Variants in SLC25A53 observed in about 807,000 individuals in gnomAD.
The protein encoded by SLC25A53 is mitochondrial carrier triple repeat protein 6.
A neutral mutation model predicts 15.0 loss-of-function variants in SLC25A53; 5 were observed. That is an observed-to-expected ratio of 0.33 (90% CI 0.17 to 0.70). The LOEUF is 0.70. Ranked by LOEUF, SLC25A53 falls within the 30% of genes least tolerant of loss-of-function variation. The pLI is 0.67. For missense variants in SLC25A53, 216 were observed against 241.6 expected, an observed-to-expected ratio of 0.89 and a Z score of 0.70; for synonymous variants, 95 against 100.0, an observed-to-expected ratio of 0.95 and a Z score of 0.30.
intron 1 of SLC25A53, among the ~76,000 whole-genome samples, chrX:104,139,143 T>G (rs1483829409): frequency 1.8e-5 from 2 of 112,789 alleles, no homozygotes; most frequent in Non-Finnish European, 3.8e-5. Context: ...GTACTTCCCT[T>G]TCCCCTTCCC....
At chrX:104,130,197 A>G (rs1252284047) in intron 1 of SLC25A53, among the ~76,000 whole-genome samples, 4 of 111,058 alleles carry the variant, frequency 3.6e-5, no homozygotes, top group Non-Finnish European at 7.5e-5. Flanking sequence ...ACTCCCTGCT[A>G]TAACAGGGAC....
intron 1 of SLC25A53, among the ~76,000 whole-genome samples, chrX:104,134,353 C>T (rs151333496): frequency 0.015 from 1,667 of 111,271 alleles, 19 homozygotes; most frequent in African/African-American, 0.051. Context: ...AAGTGTCACA[C>T]GGTGGAGACG....
At chrX:104,144,963 A>G (rs1434498395) in intron 1 of SLC25A53, among the ~76,000 whole-genome samples, 3 of 112,103 alleles carry the variant, frequency 2.7e-5, no homozygotes, top group Admixed American at 1.9e-4. Context: ...AAGCAGGGCT[A>G]ACAGACATCT....
chrX:104,128,676 A>T (rs2075417574), intron 1 of SLC25A53, among the ~76,000 whole-genome samples: 1 of 111,418 alleles, frequency 9.0e-6, no homozygotes, highest in Non-Finnish European at 1.9e-5. Flanking sequence ...TGTTAGAGAG[A>T]CATAATGAAA....
chrX:104,145,623 G>C, intron 1 of SLC25A53, among the ~76,000 whole-genome samples: 1 of 111,139 alleles, frequency 9.0e-6, no homozygotes, highest in Non-Finnish European at 1.9e-5. Flanking sequence ...ATGATAAAGG[G>C]GATATCACCA....
intron 1 of SLC25A53, among the ~76,000 whole-genome samples, chrX:104,153,450 G>T (rs2147882774): frequency 9.0e-6 from 1 of 111,587 alleles, no homozygotes; most frequent in East Asian, 2.8e-4. Flanking sequence ...ACTATGCAGT[G>T]AATAACTGTA....
At position 104,155,471 on chromosome X, in the gene SLC25A53, A is replaced by C. The variant is rs186798385; in HGVS notation, c.-32+1407T>G. On this transcript the variant is annotated intron_variant, in intron 1 of 1. Transcript: ENST00000594199. ...TTAAGAAACGCTCCATCTGATTCTG[A>C]TTCACAGGAAAGTTTGAGAGCCACT... Among the ~76,000 whole-genome samples the C allele has an allele frequency of 1.3e-4, 14 of 111,459 alleles. No individual in the cohort carries two copies. In the East Asian group the frequency reaches 3.9e-3, roughly 31 times the overall value.
chrX:104,119,952 C>T (rs141146214), intron 1 of SLC25A53, among the ~76,000 whole-genome samples: 1,259 of 111,580 alleles, frequency 0.011, 21 homozygotes, highest in African/African-American at 0.038. Context: ...GTTTCTGGAG[C>T]TTTATGTAAA....
At chrX:104,111,026 TC>T (rs782610098) in intron 1 of SLC25A53, among the ~76,000 whole-genome samples, 2 of 112,607 alleles carry the variant, frequency 1.8e-5, no homozygotes, top group South Asian at 7.2e-4. Context: ...AGGAAGGACC[TC>T]GGGTAGGAAC....
chrX:104,121,871 T>A (rs1263373382), intron 1 of SLC25A53, among the ~76,000 whole-genome samples: 2 of 44,318 alleles, frequency 4.5e-5, no homozygotes, highest in Non-Finnish European at 7.7e-5. Flanking sequence ...CATCAAATGG[T>A]ATGATATATA....
At chrX:104,121,002 G>A (rs1556362619) in intron 1 of SLC25A53, among the ~76,000 whole-genome samples, 3 of 112,195 alleles carry the variant, frequency 2.7e-5, no homozygotes, top group Non-Finnish European at 5.6e-5. Context: ...AGGCATTCCT[G>A]AAATAAACAA....
At position 104,100,229 on chromosome X, in the gene SLC25A53, CTTT is replaced by C. The variant is rs2075274649; in HGVS notation, c.*4102_*4104del. On this transcript the variant is annotated 3_prime_UTR_variant, in exon 2 of 2. Transcript: ENST00000594199. Reference sequence around the variant, plus strand: ...TAAAACGTTATTATTTCAACTTGAGCTTTATAAAAGCTGATGTAGTTTATATTT... The same window carrying C: ...TAAAACGTTATTATTTCAACTTGAGCATAAAAGCTGATGTAGTTTATATTT... The C allele has an allele frequency of 9.0e-6, 1 of 111,476 alleles. No individual in the cohort carries two copies. Among genetic ancestry groups the C allele is most frequent in the Non-Finnish European group, 1.9e-5 (1 of 53,022 alleles). 9.2% of individuals were successfully genotyped at this position (111,476 alleles called of 1,213,427 possible).
chrX:104,104,911 T>A lies in SLC25A53; in HGVS notation c.347A>T (p.His116Leu). The change falls in exon 2 of 2, where the codon CAC becomes CTC. Residue 116 changes from histidine (H) to leucine (L), a missense_variant. His to Leu is a moderately conservative substitution (Grantham distance 99). Transcript: ENST00000594199. ...LSPVGPHTLG[H>L]RWAAGLMSGV... Reference sequence around the variant, plus strand: ...AGACATGAGCCCGGCAGCCCAGCGGTGTCCCAGGGTGTGTGGCCCAACAGG... The same window carrying A: ...AGACATGAGCCCGGCAGCCCAGCGGAGTCCCAGGGTGTGTGGCCCAACAGG... 8.3e-7 allele frequency: 1 copy of A among 1,211,462 alleles called. No homozygotes were observed. The highest frequency in any genetic ancestry group is 1.1e-6 in the Non-Finnish European group (1 of 895,488).
chrX:104,135,411 C>T (rs2075434331), intron 1 of SLC25A53, among the ~76,000 whole-genome samples: 1 of 110,670 alleles, frequency 9.0e-6, no homozygotes, highest in African/African-American at 3.3e-5. Flanking sequence ...AAACCGAACT[C>T]GTGTTTCCCA....
At chrX:104,138,642 G>A (rs1387971181) in intron 1 of SLC25A53, among the ~76,000 whole-genome samples, 1 of 112,516 alleles carries the variant, frequency 8.9e-6, no homozygotes, top group Non-Finnish European at 1.9e-5. Flanking sequence ...TGTACTGGAG[G>A]AATCAGATCA....
chrX:104,131,228 G>C (rs2075424935), intron 1 of SLC25A53: 1 of 111,984 alleles, frequency 8.9e-6, no homozygotes, highest in Non-Finnish European at 1.9e-5. Flanking sequence ...TGGTTCCTGA[G>C]GGATCCAAAA....
At position 104,114,105 on chromosome X, in the gene SLC25A53, G is replaced by C. The variant is rs781982162; in HGVS notation, c.-31-8817C>G. The C allele has an allele frequency of 3.3e-6, 4 of 1,211,428 alleles. No individual in the cohort carries two copies. The South Asian group carries it at 7.0e-5, about 21-fold the overall frequency. On this transcript the variant is annotated intron_variant, in intron 1 of 1. Coordinates refer to ENST00000594199, the MANE Select transcript of SLC25A53 (RefSeq NM_001012755.5). ...TGTTGTATTCAGATACCCTATCGTC[G>C]TCAGTCATGGCTAGCATCACTGCGT...
intron 1 of SLC25A53, among the ~76,000 whole-genome samples, chrX:104,128,384 G>A (rs191399853): frequency 3.0e-4 from 34 of 111,476 alleles, no homozygotes; most frequent in African/African-American, 9.1e-4. Context: ...ACTGATTATC[G>A]TAAATAAAAT....
At position 104,104,490 on chromosome X, in the gene SLC25A53, C is replaced by T; in HGVS notation, c.768G>A (p.Gln256=). 1 of 1,212,100 alleles carries T rather than the reference C, an allele frequency of 8.3e-7. No individual in the cohort carries two copies. Among genetic ancestry groups the T allele is most frequent in the Non-Finnish European group, 1.1e-6 (1 of 895,596 alleles). ...QNMPSLWASA[Q]DVWNTRGRKL... ...TTCGGCCCCGAGTGTTCCATACATC[C>T]TGGGCAGAGGCCCACAGGCTTGGCA... is the stretch of plus-strand genomic sequence containing the variant. Residue 256 remains glutamine, a synonymous_variant, in exon 2 of 2, where the codon CAG becomes CAA. Coordinates refer to ENST00000594199, the MANE Select transcript of SLC25A53 (RefSeq NM_001012755.5).
Sources: allele counts gnomAD v4.1 joint callset (sites outside exome capture counted in the v4.1 genomes callset), GRCh38; gene constraint gnomAD v4.1.1; transcripts MANE v1.5; gene names NCBI Gene and HGNC (gene_info 2026-07-23, HGNC 2026-07-21).